The following CNTNAP5 variants were observed in gnomAD, a reference collection of about 807,000 sequenced individuals.
CNTNAP5 encodes the protein contactin associated protein family member 5.
CNTNAP5 carries 72 observed loss-of-function variants against 150.2 expected under a neutral mutation model. That is an observed-to-expected ratio of 0.48 (90% confidence interval 0.40 to 0.58). CNTNAP5 has a LOEUF of 0.58. Ranked by LOEUF, CNTNAP5 falls within the 20% of genes least tolerant of loss-of-function variation. The probability of loss-of-function intolerance (pLI) is 0.00; values close to 1 mark genes in which losing one functional copy is unlikely to be tolerated. For missense variants in CNTNAP5, 1,636 were observed against 1,626.2 expected (o/e 1.01, Z -0.10); for synonymous variants, 672 against 619.8 (o/e 1.08, Z -1.25).
Position 124,339,964 on chromosome 2 carries a change from A to G in CNTNAP5, c.382-77479A>G, listed in dbSNP as rs1025357281. Among the ~76,000 whole-genome samples, 5 of 152,098 alleles carry G rather than the reference A, an allele frequency of 3.3e-5. 1 individual carries two copies. In the East Asian group the frequency reaches 9.6e-4, roughly 29 times the overall value. ...AAACATCTTAAAAAAAAAACTTAGAATTTGCAATAGAGATGTTATCTACAG... is the reference window on the plus strand; with the variant it reads ...AAACATCTTAAAAAAAAAACTTAGAGTTTGCAATAGAGATGTTATCTACAG... On this transcript the variant is annotated intron_variant, in intron 3 of 23. Coordinates refer to ENST00000682447, the MANE Select transcript of CNTNAP5 (RefSeq NM_001367498.1).
intron 1 of CNTNAP5, among the ~76,000 whole-genome samples, chr2:124,162,349 A>C (rs772751976): frequency 3.9e-5 from 6 of 152,188 alleles, no homozygotes; most frequent in Non-Finnish European, 8.8e-5. Context: ...TTGGTAAAAA[A>C]ATTATGAGGC....
At chr2:124,868,589 A>G (rs1041295350) in intron 20 of CNTNAP5, among the ~76,000 whole-genome samples, 1 of 152,046 alleles carries the variant, frequency 6.6e-6, no homozygotes, top group Non-Finnish European at 1.5e-5. Context: ...TCTTGCCTGC[A>G]TTATTTTTTT....
At chr2:124,808,312 T>C (rs991228946) in intron 19 of CNTNAP5, among the ~76,000 whole-genome samples, 19 of 152,096 alleles carry the variant, frequency 1.2e-4, no homozygotes, top group South Asian at 4.1e-4. Flanking sequence ...TCCTTCAAAA[T>C]GACATAAAGC....
intron 13 of CNTNAP5, among the ~76,000 whole-genome samples, chr2:124,654,195 G>C (rs1010449970): frequency 6.6e-6 from 1 of 151,990 alleles, no homozygotes; most frequent in Non-Finnish European, 1.5e-5. Flanking sequence ...GATGGAAAGT[G>C]GTATCCAGAG....
intron 13 of CNTNAP5, among the ~76,000 whole-genome samples, chr2:124,716,016 G>T (rs192206167): frequency 6.6e-6 from 1 of 152,228 alleles, no homozygotes; most frequent in East Asian, 1.9e-4. Flanking sequence ...GTTTACATAA[G>T]TCAGAATACA....
chr2:124,456,644 T>A (rs1202421798), intron 6 of CNTNAP5, among the ~76,000 whole-genome samples: 2 of 152,106 alleles, frequency 1.3e-5, no homozygotes, highest in Non-Finnish European at 2.9e-5. Context: ...TCTGGAGGCA[T>A]CACATTACCT....
In CNTNAP5 at chr2:124,902,876, T is replaced by C. The variant is rs1678441936; in HGVS notation, c.3437-6T>C. 6.3e-7 allele frequency: 1 copy of C among 1,598,896 alleles called. No homozygotes were observed. Among genetic ancestry groups the C allele is most frequent in the Non-Finnish European group, 8.6e-7 (1 of 1,169,306 alleles). ...AAAGGACTTCTGATTATCTTTTACA[T>C]TGCAGAGAATCTTGGTTTGGATTCT... On this transcript the variant is annotated splice_region_variant and splice_polypyrimidine_tract_variant and intron_variant, in intron 21 of 23. Transcript: ENST00000682447.
At chr2:124,199,273 G>A (rs745640920) in intron 1 of CNTNAP5, among the ~76,000 whole-genome samples, 5 of 151,952 alleles carry the variant, frequency 3.3e-5, no homozygotes, top group Non-Finnish European at 7.4e-5. Context: ...GATCTATTTA[G>A]GGAACATCAC....
At chr2:124,340,758 A>C (rs192748176) in intron 3 of CNTNAP5, among the ~76,000 whole-genome samples, 1 of 150,762 alleles carries the variant, frequency 6.6e-6, no homozygotes, top group Admixed American at 6.7e-5. Context: ...GTCTCTACCA[A>C]AAACAAACAA....
intron 4 of CNTNAP5, among the ~76,000 whole-genome samples, chr2:124,418,152 A>G (rs1691973223): frequency 6.6e-6 from 1 of 152,248 alleles, no homozygotes; most frequent in South Asian, 2.1e-4. Context: ...CTCTAGAATA[A>G]GGTTAAAATT....
At chr2:124,135,479 T>C (rs1427810960) in intron 1 of CNTNAP5, among the ~76,000 whole-genome samples, 1 of 152,156 alleles carries the variant, frequency 6.6e-6, no homozygotes, top group Non-Finnish European at 1.5e-5. Flanking sequence ...TGCCCTGGAT[T>C]AGTAAGAATG....
chr2:124,811,975 T>TATATAAAATTTATATTTATATATTATATA (rs1558785445), intron 19 of CNTNAP5, among the ~76,000 whole-genome samples: 35 of 110,930 alleles, frequency 3.2e-4, no homozygotes, highest in African/African-American at 1.2e-3. Flanking sequence ...TTTTATAATA[T>TATATAAAATTTATATTTATATATTATATA]ATATAAAATT....
chr2:124,304,110 G>C (rs1242835787), intron 3 of CNTNAP5, among the ~76,000 whole-genome samples: 1 of 152,136 alleles, frequency 6.6e-6, no homozygotes, highest in African/African-American at 2.4e-5. Flanking sequence ...GAGATATGAT[G>C]CTCAAGACAA....
intron 3 of CNTNAP5, among the ~76,000 whole-genome samples, chr2:124,314,240 T>G (rs914115424): frequency 6.6e-6 from 1 of 152,216 alleles, no homozygotes. Flanking sequence ...GACTTCTGTC[T>G]GCATTCTATT....
At chr2:124,413,882 AAAAT>A (rs1327812091) in intron 3 of CNTNAP5, among the ~76,000 whole-genome samples, 13 of 139,514 alleles carry the variant, frequency 9.3e-5, no homozygotes, top group Non-Finnish European at 1.8e-4. Flanking sequence ...AAAGTATAAT[AAAAT>A]AAATAAATAA....
intron 3 of CNTNAP5, among the ~76,000 whole-genome samples, chr2:124,298,597 G>A (rs956591121): frequency 4.6e-5 from 7 of 152,182 alleles, no homozygotes; most frequent in Non-Finnish European, 8.8e-5. Flanking sequence ...AAGAGCTGGG[G>A]TGATTGACCT....
At chr2:124,035,589 T>C (rs1681192382) in intron 1 of CNTNAP5, among the ~76,000 whole-genome samples, 1 of 152,196 alleles carries the variant, frequency 6.6e-6, no homozygotes, top group Non-Finnish European at 1.5e-5. Flanking sequence ...TTCTATGAGC[T>C]CAGCTTCAAA....
chr2:124,856,934 G>A (rs1381676944), intron 19 of CNTNAP5, among the ~76,000 whole-genome samples: 1 of 152,112 alleles, frequency 6.6e-6, no homozygotes, highest in African/African-American at 2.4e-5. Context: ...TGAGGTCCTG[G>A]GGGTCAAACC....
chr2:124,690,281 C>G (rs1259357110), intron 13 of CNTNAP5, among the ~76,000 whole-genome samples: 1 of 152,022 alleles, frequency 6.6e-6, no homozygotes, highest in Non-Finnish European at 1.5e-5. Flanking sequence ...AGTGGTCTTA[C>G]TACAAGTCAA....
Sources: gnomAD v4.1 joint callset for allele counts (sites outside exome capture counted in the v4.1 genomes callset) on GRCh38, gnomAD v4.1.1 for gene constraint, MANE v1.5 for transcripts, NCBI Gene and HGNC (gene_info 2026-07-23, HGNC 2026-07-21) for gene names.